The following ACTR3C variants were observed in gnomAD, a reference collection of about 807,000 sequenced individuals.
ACTR3C encodes the protein actin related protein 3C, also known as actin-related protein 3C.
ACTR3C carries 18 observed loss-of-function variants against 26.3 expected under a neutral mutation model. That is an observed-to-expected ratio of 0.68 (90% CI 0.47 to 1.01). The LOEUF is 1.01. ACTR3C is among the 50% of genes least tolerant of loss of function. ACTR3C has a pLI of 0.00. For missense variants in ACTR3C, 184 were observed against 250.7 expected (o/e 0.73, Z 1.80); for synonymous variants, 55 against 94.5 (o/e 0.58, Z 2.42).
At chr7:150,016,837 T>C in the ACTR3C span, among the ~76,000 whole-genome samples, 1 of 152,124 alleles carries the variant, frequency 6.6e-6, no homozygotes, top group African/African-American at 2.4e-5. Context: ...AGCCTGTAAT[T>C]TGTGCAATAA....
the ACTR3C span, among the ~76,000 whole-genome samples, chr7:149,894,732 GATA>G: frequency 6.6e-6 from 1 of 151,922 alleles, no homozygotes; most frequent in African/African-American, 2.4e-5. Context: ...AAAAGCAAAA[GATA>G]ATAAGTGTTG....
chr7:150,056,206 A>G, the ACTR3C span, among the ~76,000 whole-genome samples: 1 of 152,210 alleles, frequency 6.6e-6, no homozygotes, highest in Non-Finnish European at 1.5e-5. Context: ...TACACACAAT[A>G]GATCTTAAAT....
At chr7:150,208,374 C>T in the ACTR3C span, among the ~76,000 whole-genome samples, 2 of 152,160 alleles carry the variant, frequency 1.3e-5, no homozygotes, top group African/African-American at 4.8e-5. Flanking sequence ...GAGAGAAACT[C>T]TCCAAGGTTG....
the ACTR3C span, among the ~76,000 whole-genome samples, chr7:150,099,688 C>T: frequency 6.6e-6 from 1 of 151,572 alleles, no homozygotes; most frequent in Non-Finnish European, 1.5e-5. Context: ...ATGAGAACTG[C>T]CCCCACCTTG....
the ACTR3C span, among the ~76,000 whole-genome samples, chr7:150,053,305 C>T: frequency 8.6e-5 from 13 of 151,872 alleles, no homozygotes; most frequent in African/African-American, 1.9e-4. Context: ...GCCCCTAGAG[C>T]GCCTTGCCCT....
chr7:150,158,701 C>G, the ACTR3C span, among the ~76,000 whole-genome samples: 2 of 152,196 alleles, frequency 1.3e-5, no homozygotes, highest in African/African-American at 4.8e-5. Flanking sequence ...CAGATAGAAG[C>G]TGAATAAGCT....
downstream of ACTR3C, among the ~76,000 whole-genome samples, chr7:150,242,215 CA>C (rs138460541): frequency 0.088 from 11,467 of 129,754 alleles, 688 homozygotes; most frequent in East Asian, 0.15. Context: ...GAACTTGTCT[CA>C]AAAAAAAAAA....
the ACTR3C span, among the ~76,000 whole-genome samples, chr7:150,114,456 G>A: frequency 1.3e-4 from 19 of 151,730 alleles, no homozygotes; most frequent in Middle Eastern, 3.2e-3. Context: ...AACAGGTCTC[G>A]GTAGGAGTTC....
At chr7:149,904,854 T>C in the ACTR3C span, among the ~76,000 whole-genome samples, 17 of 147,776 alleles carry the variant, frequency 1.2e-4, no homozygotes, top group South Asian at 2.2e-4. Flanking sequence ...ATTAGCTGGA[T>C]GTCTCTACTA....
At chr7:150,251,506 T>C (rs1313978589) in intron 6 of ACTR3C, among the ~76,000 whole-genome samples, 4 of 152,266 alleles carry the variant, frequency 2.6e-5, no homozygotes, top group South Asian at 4.1e-4. Context: ...ATGGTTGCTA[T>C]AGATTTTCTC....
chr7:149,965,350 A>T, the ACTR3C span, among the ~76,000 whole-genome samples: 4 of 106,988 alleles, frequency 3.7e-5, no homozygotes, highest in Non-Finnish European at 2.0e-5. Flanking sequence ...GATTTAATCA[A>T]ACATTCTGCT....
the ACTR3C span, among the ~76,000 whole-genome samples, chr7:150,008,532 C>A: frequency 2.0e-5 from 3 of 152,128 alleles, no homozygotes; most frequent in Non-Finnish European, 4.4e-5. Context: ...GAGCACAGAC[C>A]CGGACCTCCT....
the ACTR3C span, among the ~76,000 whole-genome samples, chr7:149,999,694 G>A: frequency 3.3e-5 from 5 of 151,440 alleles, no homozygotes; most frequent in Admixed American, 3.3e-4. Context: ...AGGCCAGCAA[G>A]CGGAGGCTGG....
chr7:150,030,570 G>C, the ACTR3C span, among the ~76,000 whole-genome samples: 1 of 149,518 alleles, frequency 6.7e-6, no homozygotes, highest in Non-Finnish European at 1.5e-5. Context: ...TCGAGTAAAA[G>C]TTTGTTATAG....
the ACTR3C span, among the ~76,000 whole-genome samples, chr7:150,167,448 T>C: frequency 9.9e-4 from 150 of 151,048 alleles, 3 homozygotes; most frequent in Middle Eastern, 3.4e-3. Flanking sequence ...AAATTACAAA[T>C]GCATAAATAT....
At chr7:149,883,103 G>A in the ACTR3C span, among the ~76,000 whole-genome samples, 1 of 152,186 alleles carries the variant, frequency 6.6e-6, no homozygotes, top group Non-Finnish European at 1.5e-5. Flanking sequence ...AAAGTGAGGG[G>A]GTGGTCAGAG....
chr7:150,008,523 A>G, the ACTR3C span, among the ~76,000 whole-genome samples: 1 of 152,260 alleles, frequency 6.6e-6, no homozygotes, highest in South Asian at 2.1e-4. Context: ...TGTATCAGAG[A>G]GCACAGACCC....
chr7:150,015,575 C>T, the ACTR3C span, among the ~76,000 whole-genome samples: 1 of 152,250 alleles, frequency 6.6e-6, no homozygotes. Flanking sequence ...TTGAAACACA[C>T]TTTCTGGAGG....
chr7:149,938,138 A>G, the ACTR3C span, among the ~76,000 whole-genome samples: 2 of 152,186 alleles, frequency 1.3e-5, no homozygotes, highest in Admixed American at 1.3e-4. Context: ...AAAGTCCATC[A>G]AATAGGAGAG....
Sources: gnomAD v4.1 joint callset for allele counts (sites outside exome capture counted in the v4.1 genomes callset) on GRCh38, gnomAD v4.1.1 for gene constraint, MANE v1.5 for transcripts, NCBI Gene and HGNC (gene_info 2026-07-23, HGNC 2026-07-21) for gene names.